Variants in GSDME observed in about 807,000 individuals in gnomAD.
GSDME encodes gasdermin-E.
Under a neutral mutation model 47.5 loss-of-function variants are expected in GSDME, and 44 were observed. That is an observed-to-expected ratio of 0.93 (90% CI 0.73 to 1.19). The LOEUF is 1.19. Among genes scored for constraint, GSDME ranks in the 50% most tolerant of loss-of-function variants. The probability of loss-of-function intolerance (pLI) is 0.00; values close to 1 mark genes in which losing one functional copy is unlikely to be tolerated. For missense variants in GSDME, 663 were observed against 604.2 expected (o/e 1.10, Z -1.02); for synonymous variants, 258 against 252.8 (o/e 1.02, Z -0.20).
intron 1 of GSDME, among the ~76,000 whole-genome samples, chr7:24,750,625 A>C (rs886564487): frequency 2.6e-5 from 4 of 152,298 alleles, no homozygotes; most frequent in African/African-American, 9.6e-5. Flanking sequence ...AAAGGCAGAG[A>C]GCTGGGAATA....
intron 3 of GSDME, among the ~76,000 whole-genome samples, chr7:24,719,540 C>A (rs1477280327): frequency 1.3e-5 from 2 of 152,148 alleles, no homozygotes; most frequent in African/African-American, 4.8e-5. Context: ...CACCTGTAAT[C>A]CCAGCACTTT....
chr7:24,729,894 GAC>G (rs1272897050), intron 3 of GSDME, among the ~76,000 whole-genome samples: 5 of 152,204 alleles, frequency 3.3e-5, no homozygotes, highest in Non-Finnish European at 7.3e-5. Context: ...GAAGGGGAGA[GAC>G]GAGAACAGGT....
chr7:24,775,997 T>C, the GSDME span, among the ~76,000 whole-genome samples: 1 of 149,000 alleles, frequency 6.7e-6, no homozygotes, highest in Admixed American at 6.7e-5. Flanking sequence ...CTGACCAACA[T>C]GGTGAAACCT....
the GSDME span, among the ~76,000 whole-genome samples, chr7:24,781,622 C>T: frequency 7.9e-5 from 12 of 151,966 alleles, no homozygotes; most frequent in South Asian, 1.2e-3. Context: ...CCCCAAAGAG[C>T]GTTTGTTTAT....
intron 5 of GSDME, among the ~76,000 whole-genome samples, chr7:24,715,830 C>G (rs1306347324): frequency 6.6e-6 from 1 of 152,178 alleles, no homozygotes; most frequent in Non-Finnish European, 1.5e-5. Flanking sequence ...TTCAAACTGA[C>G]ACTTTCTCTT....
At chr7:24,717,681 A>G (rs1423850424) in intron 4 of GSDME, among the ~76,000 whole-genome samples, 2 of 152,212 alleles carry the variant, frequency 1.3e-5, no homozygotes, top group East Asian at 1.9e-4. Context: ...TCACCTCCCA[A>G]TTCCCTCCAT....
In GSDME at chr7:24,754,173, C is replaced by T. The variant is rs1430062633; in HGVS notation, c.-20+3223G>A. Among the ~76,000 whole-genome samples the T allele has an allele frequency of 6.6e-6, 1 of 152,230 alleles. No homozygotes were observed. Among genetic ancestry groups the T allele is most frequent in the Non-Finnish European group, 1.5e-5 (1 of 68,048 alleles). ...TCACAGTTGTTACATAGATCACGGA[C>T]TCTCGCACAGAGCCTTAAAAGTTAT... On this transcript the variant is annotated intron_variant, in intron 1 of 9. Coordinates refer to ENST00000645220, the MANE Select transcript of GSDME (RefSeq NM_001127453.2). The surrounding 1 kb of genome is among the most constrained non-coding windows in gnomAD (Gnocchi z 5.0).
Position 24,714,566 on chromosome 7 carries a change from G to A in GSDME, c.697+2688C>T, listed in dbSNP as rs1389091025. Among the ~76,000 whole-genome samples, 1 of 152,146 alleles carries A rather than the reference G, an allele frequency of 6.6e-6. No individual in the cohort carries two copies. The highest frequency in any genetic ancestry group is 1.5e-5 in the Non-Finnish European group (1 of 68,016). On this transcript the variant is annotated intron_variant, in intron 5 of 9. Coordinates refer to ENST00000645220, the MANE Select transcript of GSDME (RefSeq NM_001127453.2). The surrounding 1 kb of genome is among the most constrained non-coding windows in gnomAD (Gnocchi z 5.0). ...AGGCCAGGATCCAGAACGAGCCAAGGGAAGGCCGAGATATCCCCAGGGTAC... is the reference window on the plus strand; with the variant it reads ...AGGCCAGGATCCAGAACGAGCCAAGAGAAGGCCGAGATATCCCCAGGGTAC...
intron 6 of GSDME, 21 bp downstream of exon 6, chr7:24,710,203 C>T (rs1016085824): frequency 1.2e-6 from 2 of 1,612,616 alleles, no homozygotes; most frequent in Non-Finnish European, 8.5e-7. Flanking sequence ...CTGCCCACTA[C>T]TCCTGCCCTG....
At chr7:24,710,852 T>C (rs1358048701) in intron 5 of GSDME, among the ~76,000 whole-genome samples, 1 of 152,180 alleles carries the variant, frequency 6.6e-6, no homozygotes, top group African/African-American at 2.4e-5. Context: ...ATATATAGAA[T>C]AATATACAGC....
At chr7:24,746,929 G>A (rs1391472765) in intron 2 of GSDME, among the ~76,000 whole-genome samples, 1 of 152,216 alleles carries the variant, frequency 6.6e-6, no homozygotes, top group Non-Finnish European at 1.5e-5. Flanking sequence ...ACTCTACCCA[G>A]TAGACAAAGT....
chr7:24,743,920 A>G (rs1011102184), intron 3 of GSDME: 1 of 155,680 alleles, frequency 6.4e-6, no homozygotes, highest in African/African-American at 2.4e-5. Flanking sequence ...TCTCCTCACT[A>G]GAATGCAAGG....
rs1789390613 is a variant in GSDME at position 24,712,415 on chromosome 7, C to T, written c.698-2027G>A. Among the ~76,000 whole-genome samples, 1 of 152,222 alleles carries T rather than the reference C, an allele frequency of 6.6e-6. No individual in the cohort carries two copies. The highest frequency in any genetic ancestry group is 2.1e-4 in the South Asian group (1 of 4,834). On this transcript the variant is annotated intron_variant, in intron 5 of 9. Transcript: ENST00000645220. The surrounding 1 kb of genome is among the most constrained non-coding windows in gnomAD (Gnocchi z 4.4). ...CACCAACCACACACCACACTCTCAC[C>T]TTCACCCATGCATAGCTCCCTGAGG...
chr7:24,788,793 C>T, the GSDME span, among the ~76,000 whole-genome samples: 1 of 152,144 alleles, frequency 6.6e-6, no homozygotes, highest in Non-Finnish European at 1.5e-5. This position sits in a 1 kb window ranked among gnomAD's most constrained non-coding sequence, Gnocchi z 4.6. Context: ...TAAAGATATA[C>T]TTTAGTGCCC....
intron 9 of GSDME, 121 bp downstream of exon 9, chr7:24,702,639 A>G (rs781205921): frequency 3.8e-6 from 3 of 790,848 alleles, no homozygotes; most frequent in African/African-American, 1.7e-5. Context: ...TACTTACTTA[A>G]TGTGTCTTGA....
At chr7:24,795,367 G>T in the GSDME span, among the ~76,000 whole-genome samples, 5 of 152,148 alleles carry the variant, frequency 3.3e-5, no homozygotes, top group Non-Finnish European at 7.3e-5. Flanking sequence ...AGGACTAGCT[G>T]CAGACAAAAC....
At chr7:24,708,315 A>G (rs1246565616) in intron 6 of GSDME, 61 bp from the exon 7 acceptor site, 3 of 1,601,942 alleles carry the variant, frequency 1.9e-6, no homozygotes, top group Non-Finnish European at 2.6e-6. Context: ...GACGTCGGAC[A>G]GCAACTCCTG....
intron 1 of GSDME, among the ~76,000 whole-genome samples, chr7:24,751,244 A>AAT (rs147756908): frequency 2.0e-5 from 3 of 152,152 alleles, no homozygotes; most frequent in Non-Finnish European, 4.4e-5. Context: ...CACATAGCCC[A>AAT]ATATATATAT....
At position 24,740,221 on chromosome 7, in the gene GSDME, A is replaced by G. The variant is rs181660778; in HGVS notation, c.404+4341T>C. Among the ~76,000 whole-genome samples, 22 of 152,312 alleles carry G rather than the reference A, an allele frequency of 1.4e-4. No homozygotes were observed. The East Asian group carries it at 1.5e-3, about 11-fold the overall frequency. On this transcript the variant is annotated intron_variant, in intron 3 of 9. Coordinates refer to ENST00000645220, the MANE Select transcript of GSDME (RefSeq NM_001127453.2). ...CATGTTCTTATTTATTTCTTGAACT[A>G]AAAATTAAAACAATTGACCTCATGG...
Sources: allele counts gnomAD v4.1 joint callset (sites outside exome capture counted in the v4.1 genomes callset), GRCh38; gene constraint gnomAD v4.1.1; non-coding constraint Gnocchi (gnomAD v3.1); transcripts MANE v1.5; gene names NCBI Gene and HGNC (gene_info 2026-07-23, HGNC 2026-07-21).